TRIM67: variants seen among roughly 807,000 people sequenced by gnomAD.
TRIM67 encodes the protein tripartite motif containing 67.
TRIM67 carries 39 observed loss-of-function variants against 71.0 expected under a neutral mutation model. The observed-to-expected ratio is 0.55, with a 90% CI of 0.43 to 0.72. The LOEUF is 0.72. TRIM67 is among the 30% of genes least tolerant of loss of function. TRIM67 has a pLI of 0.00. For synonymous variants in TRIM67, 481 were observed against 473.9 expected (o/e 1.01, Z -0.19); for missense variants, 973 against 1,079.2 (o/e 0.90, Z 1.38).
intron 1 of TRIM67, among the ~76,000 whole-genome samples, chr1:231,173,384 T>A (rs895605408): frequency 6.6e-6 from 1 of 152,132 alleles, no homozygotes; most frequent in Admixed American, 6.5e-5. Context: ...TTGTCTGTAT[T>A]TTAAAATACC....
chr1:231,208,015 T>A (rs1558306744), intron 7 of TRIM67, among the ~76,000 whole-genome samples: 1 of 150,932 alleles, frequency 6.6e-6, no homozygotes. Context: ...TGTACTTTTT[T>A]TTTTTTTTTT....
In TRIM67 at chr1:231,215,817, C is replaced by T. The variant is rs56354805; in HGVS notation, c.*377C>T. ...AGAGGAAGGTAGACTTTGAGACTGGCCTCCTGAGAGCGGCAGTCAGGAGCT... is the reference window on the plus strand; with the variant it reads ...AGAGGAAGGTAGACTTTGAGACTGGTCTCCTGAGAGCGGCAGTCAGGAGCT... On this transcript the variant is annotated 3_prime_UTR_variant, in exon 10 of 10. Transcript: ENST00000366653. 23,180 of 1,029,488 alleles carry T rather than the reference C, an allele frequency of 0.023. 1,462 individuals are homozygous for T. The highest frequency in any genetic ancestry group is 0.21 in the African/African-American group (12,503 of 59,220). The allele number at this position is 1,029,488 out of a possible 1,614,324, so 63.8% of individuals were successfully genotyped here. A position where few individuals can be genotyped will look rare whatever the true frequency, so the allele number is the denominator to read the frequency against.
At chr1:231,199,510 G>C (rs1021934792) in intron 3 of TRIM67, among the ~76,000 whole-genome samples, 2 of 152,114 alleles carry the variant, frequency 1.3e-5, no homozygotes, top group Admixed American at 6.5e-5. Context: ...CTCCAGCTCT[G>C]TCCCCTTCTT....
At chr1:231,210,796 T>C (rs6688288) in intron 8 of TRIM67, among the ~76,000 whole-genome samples, 4,130 of 151,784 alleles carry the variant, frequency 0.027, 185 homozygotes, top group African/African-American at 0.092. Flanking sequence ...TCCCAGCACT[T>C]AAGGAGGCCG....
chr1:231,198,646 A>G (rs1327020616), intron 2 of TRIM67, among the ~76,000 whole-genome samples: 1 of 152,164 alleles, frequency 6.6e-6, no homozygotes, highest in African/African-American at 2.4e-5. Flanking sequence ...TTGGCCTCCC[A>G]AAGTGCTGGG....
chr1:231,213,587 T>C (rs1038238123), intron 8 of TRIM67, among the ~76,000 whole-genome samples: 5 of 152,032 alleles, frequency 3.3e-5, no homozygotes, highest in Non-Finnish European at 5.9e-5. Context: ...CAAAATTAGC[T>C]GGGTCTCATG....
intron 1 of TRIM67, among the ~76,000 whole-genome samples, chr1:231,192,910 C>T (rs1216895167): frequency 2.0e-5 from 3 of 152,258 alleles, no homozygotes; most frequent in Non-Finnish European, 1.5e-5. Flanking sequence ...CCTGCGGTCA[C>T]GGGTCTCCTT....
At chr1:231,208,363 A>T (rs1011765655) in intron 7 of TRIM67, among the ~76,000 whole-genome samples, 1 of 151,920 alleles carries the variant, frequency 6.6e-6, no homozygotes, top group African/African-American at 2.4e-5. Context: ...TTTAGTAGAG[A>T]CAGGGTTTCA....
At chr1:231,199,603 C>T (rs1455922060) in intron 3 of TRIM67, among the ~76,000 whole-genome samples, 1 of 152,184 alleles carries the variant, frequency 6.6e-6, no homozygotes, top group Non-Finnish European at 1.5e-5. Flanking sequence ...ACGAGACTCT[C>T]CCCTCACGTC....
intron 1 of TRIM67, chr1:231,184,049 T>C (rs1273819031): frequency 6.6e-6 from 1 of 152,234 alleles, no homozygotes; most frequent in Non-Finnish European, 1.5e-5. Context: ...CAAGGAGTTA[T>C]CATCCTGCTG....
intron 7 of TRIM67, among the ~76,000 whole-genome samples, chr1:231,208,605 C>G (rs1315786534): frequency 1.3e-5 from 2 of 152,156 alleles, no homozygotes; most frequent in African/African-American, 4.8e-5. Flanking sequence ...GACCACTGCT[C>G]CCAGGCTATT....
In TRIM67 at chr1:231,163,699, C is replaced by T. The variant is rs1682362919; in HGVS notation, c.730C>T (p.Pro244Ser). The change falls in exon 1 of 10, where the codon CCC becomes TCC. Residue 244 changes from proline (P) to serine (S), a missense_variant. Transcript: ENST00000366653. ...CQLKCHPSRG[P>S]FAKHRLVQPP... ...GCTCAAGTGCCATCCATCCCGGGGACCCTTCGCCAAGCATCGCCTGGTGCA... is the reference window on the plus strand; with the variant it reads ...GCTCAAGTGCCATCCATCCCGGGGATCCTTCGCCAAGCATCGCCTGGTGCA... 1.3e-6 allele frequency: 2 copies of T among 1,508,588 alleles called. No individual in the cohort carries two copies. Among genetic ancestry groups the T allele is most frequent in the Non-Finnish European group, 1.8e-6 (2 of 1,129,994 alleles). 93.5% of individuals were successfully genotyped at this position (1,508,588 alleles called of 1,614,324 possible).
At chr1:231,176,762 G>A (rs766830200) in intron 1 of TRIM67, among the ~76,000 whole-genome samples, 1 of 152,144 alleles carries the variant, frequency 6.6e-6, no homozygotes, top group Non-Finnish European at 1.5e-5. Context: ...CAAATTTAAG[G>A]GGACATCTAA....
chr1:231,213,360 C>G (rs1366802086), intron 8 of TRIM67, among the ~76,000 whole-genome samples: 1 of 152,132 alleles, frequency 6.6e-6, no homozygotes, highest in Non-Finnish European at 1.5e-5. Flanking sequence ...AGAGAAGGCT[C>G]ATGTGCCCAG....
chr1:231,216,628 G>A lies in TRIM67; in HGVS notation c.*1188G>A. The A allele has an allele frequency of 1.0e-6, 1 of 985,616 alleles. No homozygotes were observed. The highest frequency in any genetic ancestry group is 1.2e-6 in the Non-Finnish European group (1 of 830,028). 61.1% of individuals were successfully genotyped at this position (985,616 alleles called of 1,614,324 possible). ...GGCTCTGCCCTGATGCAGTGGGCGG[G>A]ATCTCTGGGGAAGGCAGGAAATAGA... is the stretch of plus-strand genomic sequence containing the variant. On this transcript the variant is annotated 3_prime_UTR_variant, in exon 10 of 10. Transcript: ENST00000366653.
In TRIM67 at chr1:231,173,411, ACCT is replaced by A. The variant is rs1682663374; in HGVS notation, c.1044+9400_1044+9402del. Among the ~76,000 whole-genome samples the A allele has an allele frequency of 2.0e-5, 3 of 152,266 alleles. No individual in the cohort carries two copies. The South Asian group carries it at 6.2e-4, about 32-fold the overall frequency. On this transcript the variant is annotated intron_variant, in intron 1 of 9. Transcript: ENST00000366653. ...TAAAATACCAATAGTACTTAGGCAG[ACCT>A]CTTTGGCAGAAAAGTTGAAAAACAA... is the stretch of plus-strand genomic sequence containing the variant.
chr1:231,175,909 T>C (rs1035634891), intron 1 of TRIM67, among the ~76,000 whole-genome samples: 3 of 152,278 alleles, frequency 2.0e-5, no homozygotes, highest in South Asian at 2.1e-4. Flanking sequence ...CTTCTTTCAA[T>C]TGGGGGCCAC....
rs1391897107 is a variant in TRIM67 at position 231,216,017 on chromosome 1, A to G, written c.*577A>G. 45 of 985,486 alleles carry G rather than the reference A, an allele frequency of 4.6e-5. No homozygotes were observed. Among genetic ancestry groups the G allele is most frequent in the Non-Finnish European group, 5.3e-5 (44 of 830,062 alleles). 61.0% of individuals were successfully genotyped at this position (985,486 alleles called of 1,614,324 possible). A position where few individuals can be genotyped will look rare whatever the true frequency, so the allele number is the denominator to read the frequency against. On this transcript the variant is annotated 3_prime_UTR_variant, in exon 10 of 10. Transcript: ENST00000366653. ...CAATGCAGGATTGATAGAAAGGGAC[A>G]TTAATCATTCATGCTTGACTTTTGC...
intron 1 of TRIM67, chr1:231,185,031 C>A (rs755674501): frequency 4.6e-6 from 7 of 1,532,906 alleles, no homozygotes; most frequent in Non-Finnish European, 6.1e-6. Flanking sequence ...ATTCTGCTTG[C>A]AGGGCCTAGG....
Sources: allele counts gnomAD v4.1 joint callset (sites outside exome capture counted in the v4.1 genomes callset), GRCh38; gene constraint gnomAD v4.1.1; transcripts MANE v1.5; gene names NCBI Gene and HGNC (gene_info 2026-07-23, HGNC 2026-07-21).